The following PDE8B variants were observed in gnomAD, a reference collection of about 807,000 sequenced individuals.
PDE8B encodes phosphodiesterase 8B, also known as high affinity cAMP-specific and IBMX-insensitive 3',5'-cyclic phosphodiesterase 8B.
A neutral mutation model predicts 101.3 loss-of-function variants in PDE8B; 26 were observed. The ratio of observed to expected loss-of-function variants is 0.26; its 90% confidence interval spans 0.19 to 0.36. The LOEUF is 0.36. PDE8B is among the 10% of genes least tolerant of loss of function. PDE8B has a pLI of 1.00. For synonymous variants in PDE8B, 424 were observed against 429.3 expected (o/e 0.99, Z 0.15); for missense variants, 810 against 1,163.1 (o/e 0.70, Z 4.42).
At chr5:77,273,798 T>G (rs1050518863) in intron 1 of PDE8B, among the ~76,000 whole-genome samples, 2 of 151,066 alleles carry the variant, frequency 1.3e-5, no homozygotes, top group African/African-American at 4.9e-5. Flanking sequence ...GGTAGTTCCA[T>G]CTGTTTTTTT....
chr5:77,093,381 T>G, the PDE8B span, among the ~76,000 whole-genome samples: 1 of 152,244 alleles, frequency 6.6e-6, no homozygotes, highest in Non-Finnish European at 1.5e-5. Flanking sequence ...TACTTTTTCA[T>G]AGTATAGTAT....
chr5:77,318,497 AC>A (rs1774329193), intron 2 of PDE8B, among the ~76,000 whole-genome samples: 1 of 152,200 alleles, frequency 6.6e-6, no homozygotes, highest in African/African-American at 2.4e-5. Context: ...AAGTTTTTTA[AC>A]CATCTAAGCC....
At chr5:77,159,699 T>C in the PDE8B span, among the ~76,000 whole-genome samples, 1 of 152,222 alleles carries the variant, frequency 6.6e-6, no homozygotes, top group Non-Finnish European at 1.5e-5. Context: ...GTGCTAGTCT[T>C]GAGCTGCAGG....
intron 1 of PDE8B, among the ~76,000 whole-genome samples, chr5:77,283,160 A>T (rs991495466): frequency 2.0e-5 from 3 of 152,138 alleles, no homozygotes; most frequent in African/African-American, 7.2e-5. Context: ...AAAAAAATAG[A>T]CTTAATTTTT....
upstream of PDE8B, among the ~76,000 whole-genome samples, chr5:77,209,368 G>GAA (rs569246705): frequency 2.0e-5 from 3 of 148,214 alleles, no homozygotes; most frequent in Non-Finnish European, 4.5e-5. Context: ...AAATAAGAAT[G>GAA]AAAAAAAAAC....
intron 14 of PDE8B, among the ~76,000 whole-genome samples, chr5:77,410,013 A>G (rs1449380922): frequency 6.6e-6 from 1 of 152,264 alleles, no homozygotes; most frequent in South Asian, 2.1e-4. Flanking sequence ...GCAGAGCTGC[A>G]GTGGGAGGGG....
intron 20 of PDE8B, 89 bp downstream of exon 20, chr5:77,422,077 CTT>C: frequency 2.2e-6 from 3 of 1,376,064 alleles, no homozygotes. Context: ...AGCTGAGTAA[CTT>C]TTTACCAATT....
At chr5:77,312,100 T>A in intron 2 of PDE8B, 47 bp downstream of exon 2, 1 of 1,313,454 alleles carries the variant, frequency 7.6e-7, no homozygotes, top group South Asian at 1.2e-5. Flanking sequence ...TTTTCTTTTT[T>A]TTTTCTTTTT....
chr5:77,129,784 G>A, the PDE8B span, among the ~76,000 whole-genome samples: 25 of 152,214 alleles, frequency 1.6e-4, no homozygotes, highest in East Asian at 4.4e-3. Context: ...GTAGTGTTTC[G>A]CAGTAAAAGA....
chr5:77,333,911 G>A (rs1452671212), intron 5 of PDE8B, among the ~76,000 whole-genome samples: 3 of 152,232 alleles, frequency 2.0e-5, no homozygotes, highest in Non-Finnish European at 4.4e-5. Context: ...GTAGCTGTCA[G>A]GGACCACCTG....
chr5:77,198,052 C>T, the PDE8B span, among the ~76,000 whole-genome samples: 3 of 151,920 alleles, frequency 2.0e-5, no homozygotes, highest in Non-Finnish European at 1.5e-5. Flanking sequence ...TTGTGAATGT[C>T]TAAGTTTTGT....
At chr5:77,273,916 G>T (rs1176539073) in intron 1 of PDE8B, among the ~76,000 whole-genome samples, 2 of 151,626 alleles carry the variant, frequency 1.3e-5, no homozygotes. Context: ...TCCGCCTCTT[G>T]AGTTCAAGCA....
the PDE8B span, among the ~76,000 whole-genome samples, chr5:77,134,121 A>C: frequency 6.6e-6 from 1 of 152,212 alleles, no homozygotes; most frequent in African/African-American, 2.4e-5. Flanking sequence ...CATGGGATCC[A>C]CTGGTCATAT....
chr5:77,298,999 C>T (rs1769251047), intron 1 of PDE8B, among the ~76,000 whole-genome samples: 1 of 152,206 alleles, frequency 6.6e-6, no homozygotes, highest in African/African-American at 2.4e-5. Context: ...AGTTAAATCA[C>T]TAAACTTGTT....
intron 13 of PDE8B, among the ~76,000 whole-genome samples, chr5:77,408,041 AAC>A (rs1793832061): frequency 6.6e-6 from 1 of 152,194 alleles, no homozygotes; most frequent in African/African-American, 2.4e-5. Context: ...TGTTGAAAAG[AAC>A]ACCCAGCTTC....
intron 1 of PDE8B, among the ~76,000 whole-genome samples, chr5:77,304,488 A>G (rs1404816454): frequency 6.6e-6 from 1 of 151,804 alleles, no homozygotes; most frequent in African/African-American, 2.4e-5. Flanking sequence ...TTTCTCTTTT[A>G]TTACAGTGCT....
At chr5:77,290,537 C>A in intron 1 of PDE8B, 1 of 1,477,396 alleles carries the variant, frequency 6.8e-7, no homozygotes, top group Non-Finnish European at 9.5e-7. Context: ...GACAGATTGA[C>A]GATGCCTTGT....
chr5:77,215,997 C>T (rs981720517), intron 1 of PDE8B, among the ~76,000 whole-genome samples: 2 of 152,138 alleles, frequency 1.3e-5, no homozygotes, highest in African/African-American at 2.4e-5. Flanking sequence ...GGTGACCAAT[C>T]GGAGGGCTGT....
At chr5:77,147,062 TA>T in the PDE8B span, 2 of 420,402 alleles carry the variant, frequency 4.8e-6, no homozygotes, top group Non-Finnish European at 9.2e-6. Context: ...CATACTGAGC[TA>T]AAGGAAAGCC....
Sources: gnomAD v4.1 joint callset for allele counts (sites outside exome capture counted in the v4.1 genomes callset) on GRCh38, gnomAD v4.1.1 for gene constraint, MANE v1.5 for transcripts, NCBI Gene and HGNC (gene_info 2026-07-23, HGNC 2026-07-21) for gene names.